OPCML: variants seen among roughly 807,000 people sequenced by gnomAD.
The protein encoded by OPCML is opioid-binding protein/cell adhesion molecule.
A neutral mutation model predicts 37.8 loss-of-function variants in OPCML; 13 were observed. The ratio of observed to expected loss-of-function variants is 0.34; its 90% CI spans 0.22 to 0.55. The LOEUF (loss-of-function observed/expected upper bound fraction) is 0.55. Among genes scored for constraint, OPCML ranks in the 20% least tolerant of loss-of-function variants. The pLI, the probability that OPCML is intolerant of heterozygous loss-of-function variation, is 0.91. For synonymous variants in OPCML, 176 were observed against 168.8 expected (o/e 1.04, Z -0.33); for missense variants, 341 against 435.6 (o/e 0.78, Z 1.93).
chr11:132,574,244 G>GT (rs147327153), intron 3 of OPCML, among the ~76,000 whole-genome samples: 39,693 of 129,536 alleles, frequency 0.31, 6,103 homozygotes, highest in Non-Finnish European at 0.37. Context: ...TAATCTTTGT[G>GT]TTTTTTTTTT....
chr11:132,772,274 T>C (rs1043928927), intron 2 of OPCML: 2 of 152,230 alleles, frequency 1.3e-5, no homozygotes, highest in African/African-American at 4.8e-5. Context: ...CTCTCATTTC[T>C]AAAATTGCAC....
At chr11:132,478,761 A>G (rs955719446) in intron 4 of OPCML, among the ~76,000 whole-genome samples, 1 of 152,146 alleles carries the variant, frequency 6.6e-6, no homozygotes, top group Non-Finnish European at 1.5e-5. Context: ...TCTAAGATTA[A>G]CTGGTTTTGA....
chr11:132,850,086 AGT>A (rs931708076), intron 2 of OPCML, among the ~76,000 whole-genome samples: 1 of 152,190 alleles, frequency 6.6e-6, no homozygotes, highest in Admixed American at 6.5e-5. Context: ...TTTATAGTGA[AGT>A]GTGTGCATTT....
chr11:132,477,411 G>C (rs977532049), intron 4 of OPCML, among the ~76,000 whole-genome samples: 7 of 152,162 alleles, frequency 4.6e-5, no homozygotes, highest in African/African-American at 1.7e-4. Flanking sequence ...CTGGGGATGA[G>C]GACTTCAGGA....
At position 133,318,111 on chromosome 11, in the gene OPCML, G is replaced by C. The variant is rs146052939; in HGVS notation, c.61+214153C>G. 6.3e-3 allele frequency among the ~76,000 whole-genome samples: 956 copies of C among 152,318 alleles called. 15 individuals are homozygous for C. Among genetic ancestry groups the C allele is most frequent in the African/African-American group, 0.022 (921 of 41,572 alleles). On this transcript the variant is annotated intron_variant, in intron 1 of 7. Coordinates refer to ENST00000524381, the MANE Select transcript of OPCML (RefSeq NM_001012393.5). ...GCCTCTGTGATGTCCCACTGGCATTGTGGCCAGCACTTCTGCACTCTCCAT... is the reference window on the plus strand; with the variant it reads ...GCCTCTGTGATGTCCCACTGGCATTCTGGCCAGCACTTCTGCACTCTCCAT...
At chr11:133,157,759 T>A (rs970658970) in intron 1 of OPCML, among the ~76,000 whole-genome samples, 6 of 152,338 alleles carry the variant, frequency 3.9e-5, no homozygotes, top group African/African-American at 1.2e-4. Flanking sequence ...AAATGGGACC[T>A]AAATTGTCCA....
At position 133,208,815 on chromosome 11, in the gene OPCML, C is replaced by T. The variant is rs1024217922; in HGVS notation, c.62-265805G>A. Reference sequence around the variant, plus strand: ...CAAGTGCTGGAGTGAAGATATAAGACTTCATTCCCTATAAATCACGCTATT... The same window carrying T: ...CAAGTGCTGGAGTGAAGATATAAGATTTCATTCCCTATAAATCACGCTATT... On this transcript the variant is annotated intron_variant, in intron 1 of 7. Transcript: ENST00000524381. This position sits in a 1 kb window ranked among gnomAD's most constrained non-coding sequence, Gnocchi z 8.9. Among the ~76,000 whole-genome samples the T allele has an allele frequency of 2.0e-5, 3 of 152,182 alleles. No homozygotes were observed. Among genetic ancestry groups the T allele is most frequent in the Admixed American group, 1.3e-4 (2 of 15,278 alleles).
chr11:132,435,193 A>G, intron 7 of OPCML: 1 of 1,289,896 alleles, frequency 7.8e-7, no homozygotes, highest in East Asian at 5.6e-5. Context: ...TTTCTAAGAC[A>G]CACACAGCAC....
At chr11:133,377,312 C>A (rs11223458) in intron 1 of OPCML, among the ~76,000 whole-genome samples, 38 of 152,236 alleles carry the variant, frequency 2.5e-4, no homozygotes, top group African/African-American at 5.5e-4. Context: ...ATGGTTGTCT[C>A]TCAGCTCAAG....
chr11:133,053,858 A>G (rs1948175136), intron 1 of OPCML, among the ~76,000 whole-genome samples: 1 of 152,122 alleles, frequency 6.6e-6, no homozygotes, highest in Non-Finnish European at 1.5e-5. Context: ...CCTTCAATCT[A>G]ACCATCCACA....
rs141429143 is a variant in OPCML, at chr11:132,788,518, C to T, written c.147-131199G>A. On this transcript the variant is annotated intron_variant, in intron 2 of 7. Transcript: ENST00000524381. ...CTCACTTCCCCTCTTCCTCGAGATA[C>T]CTGTCCTTACAATTTCACCTCCAGA... Among the ~76,000 whole-genome samples, 349 of 152,274 alleles carry T rather than the reference C, an allele frequency of 2.3e-3. 1 individual carries two copies. Among genetic ancestry groups the T allele is most frequent in the African/African-American group, 8.0e-3 (331 of 41,560 alleles).
chr11:133,217,160 A>G (rs1847260206), intron 1 of OPCML, among the ~76,000 whole-genome samples: 2 of 152,000 alleles, frequency 1.3e-5, no homozygotes, highest in Non-Finnish European at 2.9e-5. Flanking sequence ...TGAGCAGCCC[A>G]CTCACACTAG....
rs146666395 is a variant in OPCML, at chr11:133,518,060, C to T, written c.61+14204G>A. On this transcript the variant is annotated intron_variant, in intron 1 of 7. Coordinates refer to ENST00000524381, the MANE Select transcript of OPCML (RefSeq NM_001012393.5). ...ACAGAGAGACAGCCTCCAAAAGACC[C>T]CTCATAAGCAAAAAAAGGTTCACGA... Among the ~76,000 whole-genome samples, 455 of 152,210 alleles carry T rather than the reference C, an allele frequency of 3.0e-3. 5 individuals carry two copies. The highest frequency in any genetic ancestry group is 6.8e-3 in the Middle Eastern group (2 of 294).
chr11:133,372,821 A>G (rs926068091), intron 1 of OPCML, among the ~76,000 whole-genome samples: 1 of 152,216 alleles, frequency 6.6e-6, no homozygotes, highest in Non-Finnish European at 1.5e-5. Flanking sequence ...TCCAGCAAAT[A>G]TTGCCATTCT....
intron 1 of OPCML, among the ~76,000 whole-genome samples, chr11:133,489,494 A>C (rs1947606470): frequency 6.6e-6 from 1 of 152,190 alleles, no homozygotes; most frequent in Admixed American, 6.5e-5. Flanking sequence ...GAACATCACT[A>C]ATCAGAGAAA....
rs112825577 is a variant in OPCML at position 132,647,782 on chromosome 11, G to T, written c.379+9305C>A. ...GGAACTGCATGGTTCAGACTCATATGGTTCAAGGGTCAACCGTACTCAGCA... is the reference window on the plus strand; with the variant it reads ...GGAACTGCATGGTTCAGACTCATATTGTTCAAGGGTCAACCGTACTCAGCA... On this transcript the variant is annotated intron_variant, in intron 3 of 7. Coordinates refer to ENST00000524381, the MANE Select transcript of OPCML (RefSeq NM_001012393.5). Among the ~76,000 whole-genome samples the T allele has an allele frequency of 2.5e-3, 375 of 152,214 alleles. 2 individuals are homozygous for T. The highest frequency in any genetic ancestry group is 8.4e-3 in the African/African-American group (349 of 41,536).
At chr11:133,455,710 G>A (rs912750702) in intron 1 of OPCML, among the ~76,000 whole-genome samples, 1 of 151,946 alleles carries the variant, frequency 6.6e-6, no homozygotes, top group Non-Finnish European at 1.5e-5. Flanking sequence ...GGCTAGGAAG[G>A]TCTACACCCT....
chr11:132,458,158 G>T (rs1405408940), intron 4 of OPCML, among the ~76,000 whole-genome samples: 1 of 152,092 alleles, frequency 6.6e-6, no homozygotes, highest in Non-Finnish European at 1.5e-5. Context: ...ATGTAGGGGT[G>T]GTGGGAGAAA....
chr11:132,586,220 T>C (rs911186853), intron 3 of OPCML, among the ~76,000 whole-genome samples: 2 of 152,168 alleles, frequency 1.3e-5, no homozygotes, highest in Non-Finnish European at 2.9e-5. Context: ...CTCTGCCCCA[T>C]CCCTAATCAA....
Sources: allele counts gnomAD v4.1 joint callset (sites outside exome capture counted in the v4.1 genomes callset), GRCh38; gene constraint gnomAD v4.1.1; non-coding constraint Gnocchi (gnomAD v3.1); transcripts MANE v1.5; gene names NCBI Gene and HGNC (gene_info 2026-07-23, HGNC 2026-07-21).